The following CFAP20DC variants were observed in gnomAD, a reference collection of about 807,000 sequenced individuals.
The protein encoded by CFAP20DC is CFAP20 domain containing, also known as protein CFAP20DC.
A neutral mutation model predicts 101.7 loss-of-function variants in CFAP20DC; 84 were observed. That is an observed-to-expected ratio of 0.83 (90% confidence interval 0.69 to 0.99). CFAP20DC has a LOEUF of 0.99. Among genes scored for constraint, CFAP20DC ranks in the 50% least tolerant of loss-of-function variants. The pLI, the probability that CFAP20DC is intolerant of heterozygous loss-of-function variation, is 0.00. For synonymous variants in CFAP20DC, 359 were observed against 351.2 expected (o/e 1.02, Z -0.25); for missense variants, 1,007 against 970.3 (o/e 1.04, Z -0.50).
chr3:58,821,526 C>CA (rs1264723587), intron 14 of CFAP20DC, among the ~76,000 whole-genome samples: 1 of 150,802 alleles, frequency 6.6e-6, no homozygotes, highest in Non-Finnish European at 1.5e-5. Flanking sequence ...TTTATGCAGC[C>CA]AAAAAACACA....
chr3:58,737,313 C>G (rs2067779854), downstream of CFAP20DC: 5 of 453,898 alleles, frequency 1.1e-5, no homozygotes, highest in Non-Finnish European at 2.2e-5. This position sits in a 1 kb window ranked among gnomAD's most constrained non-coding sequence, Gnocchi z 4.1. Context: ...CTCACACACA[C>G]ACACACACAG....
intron 7 of CFAP20DC, among the ~76,000 whole-genome samples, chr3:58,877,221 C>T (rs1263675183): frequency 6.6e-6 from 1 of 152,170 alleles, no homozygotes; most frequent in South Asian, 2.1e-4. Flanking sequence ...GGCATTTAGT[C>T]GGGCATGTAT....
At position 58,963,689 on chromosome 3, in the gene CFAP20DC, G is replaced by A. The variant is rs778359456; in HGVS notation, c.279-25927C>T. Among the ~76,000 whole-genome samples, 40 of 151,932 alleles carry A rather than the reference G, an allele frequency of 2.6e-4. 1 individual carries two copies. Among genetic ancestry groups the A allele is most frequent in the Admixed American group, 1.3e-4 (2 of 15,250 alleles). The stretch of plus-strand genomic sequence containing the variant: ...TAAAAAGTAATGTATGCTCATTTTG[G>A]AAAATCTGGAAAACATGGAAAAGAG... On this transcript the variant is annotated intron_variant, in intron 4 of 16. Coordinates refer to ENST00000482387, the MANE Select transcript of CFAP20DC (RefSeq NM_001394063.1).
At chr3:58,774,741 T>G (rs2071166397) in intron 15 of CFAP20DC, among the ~76,000 whole-genome samples, 1 of 152,252 alleles carries the variant, frequency 6.6e-6, no homozygotes, top group Admixed American at 6.5e-5. Context: ...ATCTGCTTAT[T>G]TTATTTGCAT....
intron 4 of CFAP20DC, among the ~76,000 whole-genome samples, chr3:58,983,930 C>A (rs901803317): frequency 1.3e-5 from 2 of 152,110 alleles, no homozygotes; most frequent in Non-Finnish European, 2.9e-5. Context: ...TCATTTAAAC[C>A]ACTTTGATAT....
chr3:58,884,692 AG>A lies in CFAP20DC; in HGVS notation c.567del (p.Ser191GlnfsTer15). The A allele has an allele frequency of 6.2e-7, 1 of 1,613,356 alleles. No homozygotes were observed. The highest frequency in any genetic ancestry group is 1.1e-5 in the South Asian group (1 of 90,904). Reference sequence around the variant, plus strand: ...ATATCTGTAGGCTCATCTGTTGAAAAGGGAACACCATAGACAGCTGGAAATA... The same window carrying A: ...ATATCTGTAGGCTCATCTGTTGAAAAGGAACACCATAGACAGCTGGAAATA... ...TADKDAVYGV[P>X]FSTDEPTDII... On this transcript the variant is annotated frameshift_variant, in exon 7 of 17. Transcript: ENST00000482387. LOFTEE classifies it high-confidence loss of function.
At chr3:58,943,097 C>A (rs2088855004) in intron 4 of CFAP20DC, among the ~76,000 whole-genome samples, 1 of 152,202 alleles carries the variant, frequency 6.6e-6, no homozygotes, top group African/African-American at 2.4e-5. Context: ...AGATAAAATT[C>A]CCATCTCTTT....
chr3:58,824,663 C>A (rs1400649235), intron 14 of CFAP20DC: 2 of 152,164 alleles, frequency 1.3e-5, no homozygotes, highest in Non-Finnish European at 2.9e-5. Flanking sequence ...AATAACTTGT[C>A]TGAGAACCTC....
intron 4 of CFAP20DC, among the ~76,000 whole-genome samples, chr3:58,949,246 C>A (rs1403898658): frequency 6.6e-6 from 1 of 152,140 alleles, no homozygotes; most frequent in Non-Finnish European, 1.5e-5. Context: ...CTCCTGGATT[C>A]ATCGATTTTT....
At chr3:58,981,785 A>G (rs2092558354) in intron 4 of CFAP20DC, among the ~76,000 whole-genome samples, 1 of 152,214 alleles carries the variant, frequency 6.6e-6, no homozygotes, top group Admixed American at 6.5e-5. Flanking sequence ...ACCATTCAGG[A>G]CATAGGCATG....
intron 13 of CFAP20DC, among the ~76,000 whole-genome samples, chr3:58,837,542 T>C (rs1182847524): frequency 6.6e-6 from 1 of 152,188 alleles, no homozygotes; most frequent in Non-Finnish European, 1.5e-5. Context: ...TGCATGGGTG[T>C]GTTCAGTTTG....
chr3:58,760,016 G>A (rs1047671320), intron 15 of CFAP20DC, among the ~76,000 whole-genome samples: 29 of 152,136 alleles, frequency 1.9e-4, no homozygotes, highest in Admixed American at 1.8e-3. Context: ...TTGGCAATGC[G>A]GGCTCCTTTT....
Position 58,849,044 on chromosome 3 carries a change from G to A in CFAP20DC, c.1959C>T (p.Ile653=), listed in dbSNP as rs773260972. 3.3e-6 allele frequency: 5 copies of A among 1,535,574 alleles called. No homozygotes were observed. Among genetic ancestry groups the A allele is most frequent in the Non-Finnish European group, 4.4e-6 (5 of 1,146,716 alleles). The change falls in exon 13 of 17, where the codon ATC becomes ATT. Residue 653 remains isoleucine (I), a synonymous_variant. Transcript: ENST00000482387. ...GGGAACCACTTACAGATGCTTCGGG[G>A]ATCGAGCTCAGCCTTTCCCCTGAGA... ...KEISGERLSS[I]PEASEYDWRN...
At chr3:59,043,684 A>T (rs1699612541) in intron 3 of CFAP20DC, among the ~76,000 whole-genome samples, 1 of 151,980 alleles carries the variant, frequency 6.6e-6, no homozygotes, top group Non-Finnish European at 1.5e-5. Flanking sequence ...CTCCAACAGA[A>T]AGCTCTGAAG....
chr3:58,985,174 T>G (rs2092709400), intron 4 of CFAP20DC, among the ~76,000 whole-genome samples: 1 of 152,180 alleles, frequency 6.6e-6, no homozygotes, highest in Admixed American at 6.5e-5. Context: ...GCCATCCTCC[T>G]GCCTTGGCCT....
chr3:58,753,401 CACTA>C (rs774441867), intron 16 of CFAP20DC, among the ~76,000 whole-genome samples: 12 of 152,238 alleles, frequency 7.9e-5, no homozygotes, highest in East Asian at 5.8e-4. Flanking sequence ...ATCGGGGAGG[CACTA>C]ACTATTATTC....
Position 58,864,727 on chromosome 3 carries a change from A to T in CFAP20DC, c.1259-835T>A, listed in dbSNP as rs1458163739. ...CTATTCTACTGATTCAAACAGGACA[A>T]TTCACAGACTAAACCAAGCAGACTT... On this transcript the variant is annotated intron_variant, in intron 11 of 16. Transcript: ENST00000482387. The surrounding 1 kb of genome is among the most constrained non-coding windows in gnomAD (Gnocchi z 4.7). Among the ~76,000 whole-genome samples, 1 of 152,210 alleles carries T rather than the reference A, an allele frequency of 6.6e-6. No individual in the cohort carries two copies. Among genetic ancestry groups the T allele is most frequent in the Non-Finnish European group, 1.5e-5 (1 of 68,034 alleles).
intron 7 of CFAP20DC, among the ~76,000 whole-genome samples, chr3:58,879,270 G>A (rs905045560): frequency 1.3e-5 from 2 of 152,120 alleles, no homozygotes; most frequent in Non-Finnish European, 2.9e-5. Context: ...TACACAGTGT[G>A]TACATGCATT....
intron 15 of CFAP20DC, 121 bp downstream of exon 15, chr3:58,806,274 G>C: frequency 2.9e-6 from 2 of 692,790 alleles, no homozygotes; most frequent in South Asian, 3.4e-5. Flanking sequence ...CTAGGACTTT[G>C]AAAGAACATA....
Sources: allele counts gnomAD v4.1 joint callset (sites outside exome capture counted in the v4.1 genomes callset), GRCh38; gene constraint gnomAD v4.1.1; non-coding constraint Gnocchi (gnomAD v3.1); transcripts MANE v1.5; gene names NCBI Gene and HGNC (gene_info 2026-07-23, HGNC 2026-07-21).